Variants in LIMD2 observed in about 807,000 individuals in gnomAD.
LIMD2 encodes the protein LIM domain containing 2.
In LIMD2, 11 loss-of-function variants were observed where a neutral mutation model predicts 16.0. The observed-to-expected ratio is 0.69, with a 90% CI of 0.43 to 1.14. LIMD2 has a LOEUF of 1.14. Among genes scored for constraint, LIMD2 ranks in the 50% most tolerant of loss-of-function variants. The pLI is 0.00. For missense variants in LIMD2, 168 were observed against 165.8 expected (o/e 1.01, Z -0.07); for synonymous variants, 60 against 67.1 (o/e 0.89, Z 0.52).
At chr17:63,700,156 C>G, upstream of LIMD2, 2 of 983,230 alleles carry the variant, frequency 2.0e-6, no homozygotes, top group South Asian at 4.5e-5. This position sits in a 1 kb window ranked among gnomAD's most constrained non-coding sequence, Gnocchi z 7.1. Flanking sequence ...ACCGCCTTAT[C>G]GCTGCACCGC....
At chr17:63,699,588 CG>C in intron 1 of LIMD2, 4 of 377,358 alleles carry the variant, frequency 1.1e-5, no homozygotes, top group Non-Finnish European at 1.9e-5. Flanking sequence ...GCGGAGGGGC[CG>C]GGGGCTCCCG....
chr17:63,700,803 G>C (rs1359208875), upstream of LIMD2: 1 of 146,550 alleles, frequency 6.8e-6, no homozygotes, highest in Non-Finnish European at 1.5e-5. This position sits in a 1 kb window ranked among gnomAD's most constrained non-coding sequence, Gnocchi z 7.1. Context: ...GAGCCTGCAC[G>C]AGGGCCCGGC....
In LIMD2 at chr17:63,699,237, C is replaced by A. The variant is rs2035745550; in HGVS notation, c.42+20G>T. 2 of 1,611,000 alleles carry A rather than the reference C, an allele frequency of 1.2e-6. No individual in the cohort carries two copies. Among genetic ancestry groups the A allele is most frequent in the African/African-American group, 2.7e-5 (2 of 74,936 alleles). On this transcript the variant is annotated intron_variant, in intron 2 of 4. Transcript: ENST00000259006. ...CCAGGCTCCTGTCCGGGGGGCCCTC[C>A]CACCCAGCCGGGCACTTACATGAGA...
chr17:63,700,071 G>T lies in LIMD2; in HGVS notation c.-90C>A. 1 of 984,676 alleles carries T rather than the reference G, an allele frequency of 1.0e-6. No individual in the cohort carries two copies. The highest frequency in any genetic ancestry group is 1.2e-6 in the Non-Finnish European group (1 of 829,362). 61.0% of individuals were successfully genotyped at this position (984,676 alleles called of 1,614,324 possible). On this transcript the variant is annotated 5_prime_UTR_variant, in exon 1 of 5. Coordinates refer to ENST00000259006, the MANE Select transcript of LIMD2 (RefSeq NM_030576.4). The surrounding 1 kb of genome is among the most constrained non-coding windows in gnomAD (Gnocchi z 7.1). ...GCCGCGGGGCGGGATCGGTCTCCGGGGGCGCACGGGTACGAGGAGGGCGCG... is the reference window on the plus strand; with the variant it reads ...GCCGCGGGGCGGGATCGGTCTCCGGTGGCGCACGGGTACGAGGAGGGCGCG...
rs904337961 is a variant in LIMD2, at chr17:63,696,912, C to T, written c.*1640G>A. 2.0e-5 allele frequency: 3 copies of T among 152,252 alleles called. No homozygotes were observed. The highest frequency in any genetic ancestry group is 4.4e-5 in the Non-Finnish European group (3 of 68,062). 9.4% of individuals were successfully genotyped at this position (152,252 alleles called of 1,614,324 possible). Reference sequence around the variant, plus strand: ...AGCAGTGCCTGCCTCAGCATAGTGACTTATGTGACACTGGAGCCTGTGGCC... The same window carrying T: ...AGCAGTGCCTGCCTCAGCATAGTGATTTATGTGACACTGGAGCCTGTGGCC... On this transcript the variant is annotated 3_prime_UTR_variant, in exon 5 of 5. Coordinates refer to ENST00000259006, the MANE Select transcript of LIMD2 (RefSeq NM_030576.4).
In LIMD2 at chr17:63,699,273, T is replaced by C; in HGVS notation, c.26A>G (p.Gln9Arg). 2 of 1,610,904 alleles carry C rather than the reference T, an allele frequency of 1.2e-6. No homozygotes were observed. The highest frequency in any genetic ancestry group is 2.2e-5 in the South Asian group (2 of 90,828). ...GGCACTTACATGAGAGGGGGTGGCC[T>C]GGGCGGCTCCTGCAGCCTGGAACAT... MFQAAGAA[Q>R]ATPSHDAKGG... Residue 9 changes from glutamine to arginine, a missense_variant, in exon 2 of 5, where the codon CAG becomes CGG. Gln to Arg is a conservative substitution (Grantham distance 43). Coordinates refer to ENST00000259006, the MANE Select transcript of LIMD2 (RefSeq NM_030576.4).
At chr17:63,699,580 G>T (rs996163876) in intron 1 of LIMD2, 2 of 410,078 alleles carry the variant, frequency 4.9e-6, no homozygotes, top group Admixed American at 4.4e-5. Flanking sequence ...TAGCGGGAGC[G>T]GAGGGGCCGG....
rs768069022 is a variant in LIMD2, at chr17:63,698,565, G to A, written c.371C>T (p.Thr124Ile). The change falls in exon 5 of 5, where the codon ACC (threonine) becomes ATC (isoleucine). Residue 124 changes from threonine to isoleucine, a missense_variant. Thr to Ile is a moderately conservative substitution (Grantham distance 89, BLOSUM62 -1). Coordinates refer to ENST00000259006, the MANE Select transcript of LIMD2 (RefSeq NM_030576.4). ...LWAHKEVDPG[T>I]KTA ...GTTACAGAGGCCTCAGGCCGTCTTG[G>A]TGCCGGGGTCCACCTCCTTGTGGGC... The A allele has an allele frequency of 5.0e-6, 8 of 1,613,694 alleles. No individual in the cohort carries two copies. The highest frequency in any genetic ancestry group is 1.1e-5 in the South Asian group (1 of 91,078).
chr17:63,698,416 G>GC lies in LIMD2; in HGVS notation c.*135dup. 4.0e-6 allele frequency: 4 copies of GC among 1,001,620 alleles called. No individual in the cohort carries two copies. Among genetic ancestry groups the GC allele is most frequent in the Non-Finnish European group, 5.7e-6 (4 of 697,356 alleles). 62.0% of individuals were successfully genotyped at this position (1,001,620 alleles called of 1,614,324 possible). On this transcript the variant is annotated 3_prime_UTR_variant, in exon 5 of 5. Transcript: ENST00000259006. ...GGAAGGAGTCCTGGAGCAGAGCCCT[G>GC]CCCTGGTCCCCTACGCCTGAGCAAG...
Position 63,698,624 on chromosome 17 carries a change from CTCG to C in LIMD2, c.309_311del (p.Asp103del), listed in dbSNP as rs1427474157. 6.2e-7 allele frequency: 1 copy of C among 1,613,952 alleles called. No individual in the cohort carries two copies. Among genetic ancestry groups the C allele is most frequent in the Admixed American group, 1.7e-5 (1 of 60,028 alleles). The stretch of plus-strand genomic sequence containing the variant: ...CCTTGTGCTGCTTGCGGCCAAACCC[CTCG>C]TCGTAGTTGCCTTTGCTCTTAAACA... On this transcript the variant is annotated inframe_deletion, in exon 5 of 5. Transcript: ENST00000259006.
At chr17:63,700,164 C>T, upstream of LIMD2, 1 of 982,716 alleles carries the variant, frequency 1.0e-6, no homozygotes, top group Non-Finnish European at 1.2e-6. This position sits in a 1 kb window ranked among gnomAD's most constrained non-coding sequence, Gnocchi z 7.1. Context: ...ATCGCTGCAC[C>T]GCCCCCGCCG....
upstream of LIMD2, chr17:63,701,055 C>T (rs1448488539): frequency 6.6e-6 from 1 of 152,248 alleles, no homozygotes; most frequent in East Asian, 1.9e-4. Flanking sequence ...GCTGCTCCCT[C>T]CCTGCAGCCG....
At chr17:63,700,826 C>T (rs989400886), upstream of LIMD2, 6 of 147,688 alleles carry the variant, frequency 4.1e-5, no homozygotes, top group African/African-American at 8.0e-5. This position sits in a 1 kb window ranked among gnomAD's most constrained non-coding sequence, Gnocchi z 7.1. Context: ...CCCCGGCAGC[C>T]CCCCCAGCCC....
chr17:63,698,732 CGTCAG>C lies in LIMD2; in HGVS notation c.225-26_225-22del, dbSNP rs750362497. On this transcript the variant is annotated intron_variant, in intron 4 of 4. Transcript: ENST00000259006. ...CCAGGCTGCAGAAGCCAAACAACGG[CGTCAG>C]GTCAGGTCAGGTCGGGGCTGGGTTG... 8.1e-6 allele frequency: 13 copies of C among 1,609,582 alleles called. No homozygotes were observed. In the African/African-American group the frequency reaches 1.2e-4, roughly 15 times the overall value.
upstream of LIMD2, chr17:63,700,139 C>A: frequency 1.0e-6 from 1 of 984,186 alleles, no homozygotes; most frequent in Middle Eastern, 5.2e-4. This position sits in a 1 kb window ranked among gnomAD's most constrained non-coding sequence, Gnocchi z 7.1. Flanking sequence ...GAGCCACCGC[C>A]GCCGCCACCG....
intron 1 of LIMD2, 32 bp from the exon 2 acceptor site, chr17:63,699,380 C>T: frequency 6.6e-7 from 1 of 1,511,672 alleles, no homozygotes; most frequent in African/African-American, 1.4e-5. Flanking sequence ...GAGGGCCCCG[C>T]CAGCCCGGCC....
chr17:63,699,952 C>A, intron 1 of LIMD2, 80 bp downstream of exon 1: 1 of 983,800 alleles, frequency 1.0e-6, no homozygotes, highest in South Asian at 4.7e-5. Context: ...CGGGACCCCA[C>A]GGGCGGCCCT....
chr17:63,698,299 G>GGGGA lies in LIMD2; in HGVS notation c.*249_*252dup. ...CTCCCAGGGGGTCCTGGGGTGAGGT[G>GGGGA]GGGAGGGAGGCTGAACGAAGCAGGA... On this transcript the variant is annotated 3_prime_UTR_variant, in exon 5 of 5. Transcript: ENST00000259006. The GGGGA allele has an allele frequency of 1.8e-6, 1 of 547,052 alleles. No individual in the cohort carries two copies. The highest frequency in any genetic ancestry group is 3.2e-5 in the Admixed American group (1 of 31,022). The allele number at this position is 547,052 out of a possible 1,614,324, so 33.9% of individuals were successfully genotyped here.
Position 63,697,090 on chromosome 17 carries a change from C to G in LIMD2, c.*1462G>C, listed in dbSNP as rs904390008. The G allele has an allele frequency of 1.3e-5, 2 of 152,302 alleles. No homozygotes were observed. Among genetic ancestry groups the G allele is most frequent in the Non-Finnish European group, 1.5e-5 (1 of 68,116 alleles). The allele number at this position is 152,302 out of a possible 1,614,324, so 9.4% of individuals were successfully genotyped here. On this transcript the variant is annotated 3_prime_UTR_variant, in exon 5 of 5. Coordinates refer to ENST00000259006, the MANE Select transcript of LIMD2 (RefSeq NM_030576.4). ...ATCTGGAGCAGGACAACCCAGACTT[C>G]TGCCTGTGTCCCACCGGGGCGCCCT...
Sources: gnomAD v4.1 joint callset for allele counts on GRCh38, gnomAD v4.1.1 for gene constraint, Gnocchi (gnomAD v3.1) non-coding constraint, MANE v1.5 for transcripts, NCBI Gene and HGNC (gene_info 2026-07-23, HGNC 2026-07-21) for gene names.